The following NTRK3 variants were observed in gnomAD, a reference collection of about 807,000 sequenced individuals.
The protein encoded by NTRK3 is neurotrophic receptor tyrosine kinase 3, also known as NT-3 growth factor receptor.
Under a neutral mutation model 91.7 loss-of-function variants are expected in NTRK3, and 24 were observed. The ratio of observed to expected loss-of-function variants is 0.26; its 90% CI spans 0.19 to 0.37. NTRK3 has a LOEUF of 0.37. Among genes scored for constraint, NTRK3 ranks in the 10% least tolerant of loss-of-function variants. The probability of loss-of-function intolerance (pLI) is 1.00; values close to 1 mark genes in which losing one functional copy is unlikely to be tolerated. For synonymous variants in NTRK3, 483 were observed against 404.0 expected (o/e 1.20, Z -2.34); for missense variants, 880 against 1,068.9 (o/e 0.82, Z 2.46).
chr15:88,141,672 C>T (rs953628567), intron 6 of NTRK3, among the ~76,000 whole-genome samples: 6 of 152,260 alleles, frequency 3.9e-5, no homozygotes, highest in African/African-American at 1.4e-4. Flanking sequence ...AGCCACACAG[C>T]ACTTGATGCT....
At chr15:88,138,389 G>A (rs545437459) in intron 6 of NTRK3, among the ~76,000 whole-genome samples, 6 of 152,148 alleles carry the variant, frequency 3.9e-5, no homozygotes, top group Non-Finnish European at 7.4e-5. Flanking sequence ...CAGCCTGGGC[G>A]ACAGAGCAAG....
chr15:87,937,968 GAA>G (rs759550145), intron 15 of NTRK3, among the ~76,000 whole-genome samples: 1 of 138,050 alleles, frequency 7.2e-6, no homozygotes, highest in Non-Finnish European at 1.6e-5. Flanking sequence ...TGACAGAGAC[GAA>G]AAAAAAAAAG....
At chr15:87,927,080 T>C (rs2068376500) in intron 17 of NTRK3, 1 of 152,248 alleles carries the variant, frequency 6.6e-6, no homozygotes, top group South Asian at 2.1e-4. Flanking sequence ...TTTGATATTT[T>C]CTGGCAGGTC....
At chr15:87,936,169 G>A (rs1234300364) in intron 15 of NTRK3, among the ~76,000 whole-genome samples, 7 of 152,296 alleles carry the variant, frequency 4.6e-5, no homozygotes, top group South Asian at 4.1e-4. Context: ...GGAAAGAACC[G>A]ATTTATCATA....
At chr15:87,998,190 C>T (rs991229087) in intron 14 of NTRK3, among the ~76,000 whole-genome samples, 1 of 152,204 alleles carries the variant, frequency 6.6e-6, no homozygotes, top group Non-Finnish European at 1.5e-5. Context: ...CAAAAATCCC[C>T]TAGGGACAGA....
rs535518385 is a variant in NTRK3 at position 88,255,436 on chromosome 15, G to A, written c.248+470C>T. On this transcript the variant is annotated intron_variant, in intron 3 of 18. Coordinates refer to ENST00000394480, the Ensembl canonical transcript of NTRK3. This position sits in a 1 kb window ranked among gnomAD's most constrained non-coding sequence, Gnocchi z 4.3. ...TAGTTAAACACCTCGGCTGGATCGC[G>A]AGCAGTCCCTATCTGTCACCTTCCC... is the stretch of plus-strand genomic sequence containing the variant. Among the ~76,000 whole-genome samples the A allele has an allele frequency of 1.3e-3, 198 of 152,308 alleles. No individual in the cohort carries two copies. The highest frequency in any genetic ancestry group is 0.01 in the Middle Eastern group (3 of 294).
intron 13 of NTRK3, among the ~76,000 whole-genome samples, chr15:88,092,372 T>A (rs1036039014): frequency 1.3e-5 from 2 of 152,150 alleles, no homozygotes; most frequent in Non-Finnish European, 2.9e-5. Context: ...TGATCATTAA[T>A]CCTGAAACAT....
rs79071177 is a variant in NTRK3 at position 88,094,047 on chromosome 15, G to C, written c.1396+32224C>G. ...TTCCAAATCCCATAATACAAACAGG[G>C]GATGCACTCTCACTCCTCCCCAAGC... On this transcript the variant is annotated intron_variant, in intron 13 of 18. Coordinates refer to ENST00000394480, the Ensembl canonical transcript of NTRK3. 5.1e-3 allele frequency among the ~76,000 whole-genome samples: 774 copies of C among 152,118 alleles called. 10 individuals carry two copies. Among genetic ancestry groups the C allele is most frequent in the African/African-American group, 0.018 (748 of 41,482 alleles).
intron 13 of NTRK3, among the ~76,000 whole-genome samples, chr15:88,043,591 T>C (rs190741456): frequency 1.1e-4 from 17 of 152,282 alleles, no homozygotes; most frequent in African/African-American, 3.9e-4. Context: ...ACTTGCATGA[T>C]CTGATTTCAA....
At chr15:87,969,183 G>A (rs574090438) in intron 14 of NTRK3, among the ~76,000 whole-genome samples, 11 of 152,214 alleles carry the variant, frequency 7.2e-5, no homozygotes, top group African/African-American at 2.6e-4. Context: ...TGGCCAATTG[G>A]TGCCCAGGCC....
In NTRK3 at chr15:88,255,817, G is replaced by A. The variant is rs1044499930; in HGVS notation, c.248+89C>T. 3 of 1,175,962 alleles carry A rather than the reference G, an allele frequency of 2.6e-6. No individual in the cohort carries two copies. Among genetic ancestry groups the A allele is most frequent in the Non-Finnish European group, 3.4e-6 (3 of 894,406 alleles). The allele number at this position is 1,175,962 out of a possible 1,614,324, so 72.8% of individuals were successfully genotyped here. ...GCGGCGGGCAGCGGCGAGCTGGGGC[G>A]GGCGGAGGGCCGGCTCCCGGCCGCG... On this transcript the variant is annotated intron_variant, in intron 3 of 18. Coordinates refer to ENST00000394480, the Ensembl canonical transcript of NTRK3. This position sits in a 1 kb window ranked among gnomAD's most constrained non-coding sequence, Gnocchi z 4.3.
chr15:88,206,653 G>A (rs1283518255), intron 3 of NTRK3, among the ~76,000 whole-genome samples: 7 of 123,146 alleles, frequency 5.7e-5, no homozygotes, highest in African/African-American at 1.8e-4. Context: ...GCAAGACTCC[G>A]TCTCGAAAAA....
rs536521367 is a variant in NTRK3 at position 88,146,330 on chromosome 15, C to T, written c.464+1005G>A. On this transcript the variant is annotated intron_variant, in intron 6 of 18. Coordinates refer to ENST00000394480, the Ensembl canonical transcript of NTRK3. ...GGTGAAGGGAAAACAAGTTGAAAGG[C>T]CAACAGCATAGGCAGAGGTCCAAGG... 7.9e-5 allele frequency among the ~76,000 whole-genome samples: 12 copies of T among 152,178 alleles called. No individual in the cohort carries two copies. In the East Asian group the frequency reaches 2.3e-3, roughly 29 times the overall value.
intron 3 of NTRK3, among the ~76,000 whole-genome samples, chr15:88,191,294 T>C (rs956763023): frequency 2.0e-5 from 3 of 151,928 alleles, no homozygotes; most frequent in African/African-American, 7.3e-5. Flanking sequence ...TTCAAGCAAT[T>C]CTCGTGCCTC....
At chr15:88,194,654 CA>C (rs2047673408) in intron 3 of NTRK3, among the ~76,000 whole-genome samples, 6 of 152,230 alleles carry the variant, frequency 3.9e-5, no homozygotes, top group Admixed American at 2.0e-4. Context: ...GTCCTCCACA[CA>C]GAAACCCCAA....
At chr15:88,073,785 G>T (rs183512829) in intron 13 of NTRK3, among the ~76,000 whole-genome samples, 1 of 133,310 alleles carries the variant, frequency 7.5e-6, no homozygotes, top group South Asian at 2.5e-4. Context: ...ACACCCCCCC[G>T]CCCCACCCCG....
intron 17 of NTRK3, among the ~76,000 whole-genome samples, chr15:87,911,783 T>A (rs1325538640): frequency 2.0e-5 from 3 of 152,188 alleles, no homozygotes; most frequent in Non-Finnish European, 4.4e-5. Flanking sequence ...GTCTCCTGGT[T>A]TATGTCATTT....
rs76605919 is a variant in NTRK3 at position 87,895,346 on chromosome 15, T to G, written c.2134-14918A>C. Among the ~76,000 whole-genome samples the G allele has an allele frequency of 4.4e-4, 67 of 152,350 alleles. No homozygotes were observed. The East Asian group carries it at 0.013, about 29-fold the overall frequency. ...GAGTCTCTGAATGAAGTTTACATTT[T>G]GGTTCTGAGGATGAAGCTCGGAATT... is the stretch of plus-strand genomic sequence containing the variant. On this transcript the variant is annotated intron_variant, in intron 17 of 18. Coordinates refer to ENST00000394480, the Ensembl canonical transcript of NTRK3.
At chr15:87,922,302 C>A (rs1282620047) in intron 17 of NTRK3, among the ~76,000 whole-genome samples, 5 of 152,170 alleles carry the variant, frequency 3.3e-5, no homozygotes, top group Non-Finnish European at 5.9e-5. Context: ...GCTCTGGTGA[C>A]TGAGTAATCA....
Sources: gnomAD v4.1 joint callset for allele counts (sites outside exome capture counted in the v4.1 genomes callset) on GRCh38, gnomAD v4.1.1 for gene constraint, Gnocchi (gnomAD v3.1) non-coding constraint, MANE v1.5 for transcripts, NCBI Gene and HGNC (gene_info 2026-07-23, HGNC 2026-07-21) for gene names.